CERS1: variants seen among roughly 807,000 people sequenced by gnomAD.
CERS1 encodes the protein Embryonic growth/differentiation factor 1.
Under a neutral mutation model 35.7 loss-of-function variants are expected in CERS1, and 16 were observed. That is an observed-to-expected ratio of 0.45 (90% CI 0.30 to 0.68). The LOEUF is 0.68. CERS1 is among the 30% of genes least tolerant of loss of function. CERS1 has a pLI of 0.08. For missense variants in CERS1, 454 were observed against 453.9 expected, an observed-to-expected ratio of 1.00 and a Z score of 0.00; for synonymous variants, 243 against 201.6, an observed-to-expected ratio of 1.21 and a Z score of -1.74.
chr19:18,870,402 G>A lies in CERS1; in HGVS notation c.*175C>T. 1.5e-6 allele frequency: 2 copies of A among 1,357,854 alleles called. No individual in the cohort carries two copies. The highest frequency in any genetic ancestry group is 2.0e-6 in the Non-Finnish European group (2 of 991,492). The allele number at this position is 1,357,854 out of a possible 1,614,324, so 84.1% of individuals were successfully genotyped here. ...GGGCCGGTGTCCCCGGAGGGGCAGG[G>A]GTCCTGGGGGGCGTGGCCGGGAACT... On this transcript the variant is annotated 3_prime_UTR_variant, in exon 7 of 8. Transcript: ENST00000623882. The surrounding 1 kb of genome is among the most constrained non-coding windows in gnomAD (Gnocchi z 5.1).
intron 6 of CERS1, among the ~76,000 whole-genome samples, chr19:18,872,040 C>A (rs1343422045): frequency 6.6e-6 from 1 of 152,226 alleles, no homozygotes; most frequent in Non-Finnish European, 1.5e-5. Flanking sequence ...CCGTGCTTTC[C>A]ATTCCTGCCC....
intron 6 of CERS1, among the ~76,000 whole-genome samples, chr19:18,874,960 C>A (rs983479155): frequency 2.0e-5 from 3 of 152,162 alleles, no homozygotes; most frequent in Non-Finnish European, 4.4e-5. Context: ...CGGAACCAGG[C>A]AAAGTGGCTC....
chr19:18,872,363 T>A (rs2055986521), intron 6 of CERS1, among the ~76,000 whole-genome samples: 1 of 152,230 alleles, frequency 6.6e-6, no homozygotes, highest in African/African-American at 2.4e-5. Flanking sequence ...TTTGTTTTTT[T>A]TTGAGATGGA....
chr19:18,869,278 G>A lies in CERS1; in HGVS notation c.*707C>T. ...CCGCCGCCGCGAAACGCAGCTCCAG[G>A]CGGGCCCGGCTCGGGCGCTCAGCGG... is the stretch of plus-strand genomic sequence containing the variant. On this transcript the variant is annotated 3_prime_UTR_variant, in exon 8 of 8. Transcript: ENST00000623882. The A allele has an allele frequency of 6.7e-7, 1 of 1,497,712 alleles. No individual in the cohort carries two copies. Among genetic ancestry groups the A allele is most frequent in the East Asian group, 2.8e-5 (1 of 35,672 alleles). 92.8% of individuals were successfully genotyped at this position (1,497,712 alleles called of 1,614,324 possible). A position where few individuals can be genotyped will look rare whatever the true frequency, so the allele number is the denominator to read the frequency against.
intron 3 of CERS1, 129 bp from the exon 4 acceptor site, chr19:18,880,564 C>A: frequency 1.2e-6 from 1 of 809,960 alleles, no homozygotes; most frequent in East Asian, 2.9e-5. Context: ...AGCCACCCTT[C>A]CTGCCTCGCC....
Position 18,870,134 on chromosome 19 carries a change from A to T in CERS1, c.*443T>A. 6.4e-7 allele frequency: 1 copy of T among 1,565,412 alleles called. No homozygotes were observed. The highest frequency in any genetic ancestry group is 8.6e-7 in the Non-Finnish European group (1 of 1,161,040). On this transcript the variant is annotated 3_prime_UTR_variant, in exon 7 of 8. Transcript: ENST00000623882. The surrounding 1 kb of genome is among the most constrained non-coding windows in gnomAD (Gnocchi z 5.1). ...GAAACAGGCGCCACATGACCGGGGG[A>T]ACCGGCCGGAGCCTGGGGGCACCCT...
chr19:18,893,254 G>T (rs1030314776), intron 2 of CERS1, among the ~76,000 whole-genome samples, 162 bp downstream of exon 2: 1 of 152,186 alleles, frequency 6.6e-6, no homozygotes, highest in East Asian at 1.9e-4. Context: ...TCACTCTGTC[G>T]TCCAGGCTGG....
Position 18,870,706 on chromosome 19 carries a change from A to G in CERS1, c.1011-87T>C. 2.1e-6 allele frequency: 1 copy of G among 480,100 alleles called. No homozygotes were observed. Among genetic ancestry groups the G allele is most frequent in the South Asian group, 4.3e-5 (1 of 23,014 alleles). 29.7% of individuals were successfully genotyped at this position (480,100 alleles called of 1,614,324 possible). On this transcript the variant is annotated intron_variant, in intron 6 of 7. Transcript: ENST00000623882. This position sits in a 1 kb window ranked among gnomAD's most constrained non-coding sequence, Gnocchi z 5.1. The stretch of plus-strand genomic sequence containing the variant: ...CCCGCTTCTTCTCTGGCCGTTTCAC[A>G]CCCCCTGGCTCCTTTTACCCGGCCA...
chr19:18,869,600 T>G (rs1161983015), intron 7 of CERS1, among the ~76,000 whole-genome samples: 3 of 80,054 alleles, frequency 3.7e-5, no homozygotes, highest in Admixed American at 1.3e-4. Context: ...GGGGGTGGGC[T>G]GCCCTCGGCG....
chr19:18,869,208 C>G lies in CERS1; in HGVS notation c.*777G>C. On this transcript the variant is annotated 3_prime_UTR_variant, in exon 8 of 8. Transcript: ENST00000623882. ...GGGTCCGCGCCCGCGCCCTGGCCCG[C>G]TTGCGCCACGCTCAGCTCCCAGCCG... 1 of 1,282,962 alleles carries G rather than the reference C, an allele frequency of 7.8e-7. No individual in the cohort carries two copies. The allele number at this position is 1,282,962 out of a possible 1,614,324, so 79.5% of individuals were successfully genotyped here. A position where few individuals can be genotyped will look rare whatever the true frequency, so the allele number is the denominator to read the frequency against.
intron 2 of CERS1, among the ~76,000 whole-genome samples, chr19:18,889,427 C>T (rs906058724): frequency 3.3e-5 from 5 of 151,832 alleles, no homozygotes; most frequent in African/African-American, 4.8e-5. Flanking sequence ...TCCTCTCCCT[C>T]GTTTTTTGAG....
At chr19:18,879,132 C>A in intron 5 of CERS1, 93 bp from the exon 6 acceptor site, 13 of 1,585,894 alleles carry the variant, frequency 8.2e-6, no homozygotes, top group Non-Finnish European at 1.1e-5. Flanking sequence ...GCCCTCCACA[C>A]GGGCTGTCTG....
At chr19:18,890,774 G>T (rs898703713) in intron 2 of CERS1, among the ~76,000 whole-genome samples, 6 of 131,516 alleles carry the variant, frequency 4.6e-5, no homozygotes, top group African/African-American at 1.4e-4. Context: ...GAGTAAGACC[G>T]CGTCTGGGGA....
chr19:18,893,343 T>G, intron 2 of CERS1, 73 bp downstream of exon 2: 2 of 1,482,762 alleles, frequency 1.3e-6, no homozygotes, highest in Non-Finnish European at 1.8e-6. Context: ...GCCTCATGAG[T>G]AGCTGGGACC....
At chr19:18,883,293 G>T (rs956262602) in intron 3 of CERS1, 4 of 152,166 alleles carry the variant, frequency 2.6e-5, no homozygotes, top group Non-Finnish European at 5.9e-5. Flanking sequence ...ACAAGAAAGA[G>T]AAAAGAACAG....
At chr19:18,884,464 G>T (rs534092633) in intron 2 of CERS1, among the ~76,000 whole-genome samples, 197 bp from the exon 3 acceptor site, 1 of 151,488 alleles carries the variant, frequency 6.6e-6, no homozygotes, top group South Asian at 2.1e-4. Flanking sequence ...TGTCGCCCAG[G>T]CTGGAGTGCA....
intron 6 of CERS1, among the ~76,000 whole-genome samples, chr19:18,874,807 C>T (rs965976250): frequency 3.3e-5 from 5 of 152,170 alleles, no homozygotes; most frequent in Admixed American, 6.5e-5. Context: ...TGAGGCTGCT[C>T]AAGAAGCAGC....
rs1158982977 is a variant in CERS1 at position 18,868,682 on chromosome 19, A to G, written c.*1303T>C. 1.3e-6 allele frequency: 2 copies of G among 1,569,782 alleles called. No homozygotes were observed. Among genetic ancestry groups the G allele is most frequent in the East Asian group, 2.3e-5 (1 of 42,664 alleles). Reference sequence around the variant, plus strand: ...GCTGTTGTCAAAGAAGAGCACGGAGATGGGCGACAGGCGCGCGGGCACGCA... The same window carrying G: ...GCTGTTGTCAAAGAAGAGCACGGAGGTGGGCGACAGGCGCGCGGGCACGCA... On this transcript the variant is annotated 3_prime_UTR_variant, in exon 8 of 8. Transcript: ENST00000623882.
In CERS1 at chr19:18,872,869, G is replaced by A. The variant is rs534365339; in HGVS notation, c.1011-2250C>T. Reference sequence around the variant, plus strand: ...TCACCACGTTGGCCAGGTTGGTCTCGAACTCCTGACCTCAGGTGATCCATC... The same window carrying A: ...TCACCACGTTGGCCAGGTTGGTCTCAAACTCCTGACCTCAGGTGATCCATC... On this transcript the variant is annotated intron_variant, in intron 6 of 7. Coordinates refer to ENST00000623882, the MANE Select transcript of CERS1 (RefSeq NM_021267.5). Among the ~76,000 whole-genome samples, 291 of 152,206 alleles carry A rather than the reference G, an allele frequency of 1.9e-3. 2 individuals carry two copies. Among genetic ancestry groups the A allele is most frequent in the African/African-American group, 6.3e-3 (260 of 41,530 alleles).
Sources: allele counts gnomAD v4.1 joint callset (sites outside exome capture counted in the v4.1 genomes callset), GRCh38; gene constraint gnomAD v4.1.1; non-coding constraint Gnocchi (gnomAD v3.1); transcripts MANE v1.5; gene names NCBI Gene and HGNC (gene_info 2026-07-23, HGNC 2026-07-21).